Variants in LRRC46 observed in about 807,000 individuals in gnomAD.
The protein encoded by LRRC46 is leucine-rich repeat-containing protein 46.
A neutral mutation model predicts 28.0 loss-of-function variants in LRRC46; 20 were observed. That is an observed-to-expected ratio of 0.71 (90% confidence interval 0.50 to 1.04). The LOEUF is 1.04. LRRC46 is among the 50% of genes least tolerant of loss of function. LRRC46 has a pLI of 0.00. For synonymous variants in LRRC46, 156 were observed against 158.8 expected (o/e 0.98, Z 0.13); for missense variants, 315 against 390.1 (o/e 0.81, Z 1.62).
chr17:47,834,412 ACT>A lies in LRRC46; in HGVS notation c.117-10_117-9del, dbSNP rs763784303. 74 of 1,589,782 alleles carry A rather than the reference ACT, an allele frequency of 4.7e-5. No homozygotes were observed. Among genetic ancestry groups the A allele is most frequent in the Non-Finnish European group, 5.4e-5 (63 of 1,160,552 alleles). On this transcript the variant is annotated splice_polypyrimidine_tract_variant and intron_variant, in intron 2 of 7. Transcript: ENST00000269025. ...TGGTGCTCTAACACCACCCTTACTG[ACT>A]CTTTTCCCAGGTTTCACACTCTTGA... is the stretch of plus-strand genomic sequence containing the variant.
At chr17:47,834,381 CAT>C (rs752546723) in intron 2 of LRRC46, 42 bp from the exon 3 acceptor site, 11 of 1,407,204 alleles carry the variant, frequency 7.8e-6, no homozygotes, top group South Asian at 4.8e-5. Context: ...TAAGAGACCA[CAT>C]GAGTGGTGCT....
Position 47,836,239 on chromosome 17 carries a change from C to G in LRRC46, c.453-94C>G. ...CACCTCCTACCTAGCTCATGAGCCA[C>G]CACCCCTCCGGGTGTGAGTGCTGTG... is the stretch of plus-strand genomic sequence containing the variant. On this transcript the variant is annotated intron_variant, in intron 6 of 7. Transcript: ENST00000269025. The surrounding 1 kb of genome is among the most constrained non-coding windows in gnomAD (Gnocchi z 5.8). 1.9e-6 allele frequency: 3 copies of G among 1,588,576 alleles called. No individual in the cohort carries two copies. In the Middle Eastern group the frequency reaches 6.1e-4, roughly 322 times the overall value.
chr17:47,835,267 A>T, intron 3 of LRRC46, 86 bp from the exon 4 acceptor site: 1 of 1,360,134 alleles, frequency 7.4e-7, no homozygotes, highest in Non-Finnish European at 1.1e-6. Context: ...TGCAGAGTAG[A>T]CATGGTCTTG....
intron 2 of LRRC46, among the ~76,000 whole-genome samples, chr17:47,833,101 G>A (rs1490601207): frequency 6.6e-6 from 1 of 152,160 alleles, no homozygotes; most frequent in African/African-American, 2.4e-5. Flanking sequence ...ATCTGCATGG[G>A]CATATTGGAG....
Position 47,835,756 on chromosome 17 carries a change from G to A in LRRC46, c.363G>A (p.Leu121=), listed in dbSNP as rs147308014. Reference sequence around the variant, plus strand: ...AGTTTCTGGACCTTTCTGAGAACCTGATAGAAACATTGAAGCTGGGTAGGA... The same window carrying A: ...AGTTTCTGGACCTTTCTGAGAACCTAATAGAAACATTGAAGCTGGGTAGGA... ...CLQFLDLSEN[L]IETLKLDEFP... Residue 121 remains leucine, a synonymous_variant, in exon 5 of 8, where the codon CTG becomes CTA. Transcript: ENST00000269025. 4.0e-5 allele frequency: 65 copies of A among 1,614,118 alleles called. No individual in the cohort carries two copies. The African/African-American group carries it at 8.1e-4, about 20-fold the overall frequency.
rs2277693 is a variant in LRRC46 at position 47,831,817 on chromosome 17, T to G, written c.-173T>G. 254,992 of 792,892 alleles carry G rather than the reference T, an allele frequency of 0.32. 46,221 individuals are homozygous for G. The highest frequency in any genetic ancestry group is 0.38 in the Non-Finnish European group (185,266 of 490,250). 49.1% of individuals were successfully genotyped at this position (792,892 alleles called of 1,614,324 possible). ...AGACCCTTCACATCAATTTACTGTT[T>G]TCTTCGACCTCACCCCAGCAATTTT... On this transcript the variant is annotated 5_prime_UTR_variant, in exon 1 of 8. Coordinates refer to ENST00000269025, the MANE Select transcript of LRRC46 (RefSeq NM_033413.4).
chr17:47,837,377 AGGCCCCCGCT>A lies in LRRC46; in HGVS notation c.*261_*270del, dbSNP rs2033712406. The A allele has an allele frequency of 2.0e-6, 1 of 503,240 alleles. No individual in the cohort carries two copies. Among genetic ancestry groups the A allele is most frequent in the African/African-American group, 2.0e-5 (1 of 49,428 alleles). The allele number at this position is 503,240 out of a possible 1,614,324, so 31.2% of individuals were successfully genotyped here. A position where few individuals can be genotyped will look rare whatever the true frequency, so the allele number is the denominator to read the frequency against. On this transcript the variant is annotated 3_prime_UTR_variant, in exon 8 of 8. Coordinates refer to ENST00000269025, the MANE Select transcript of LRRC46 (RefSeq NM_033413.4). ...GCTACCCACAGGGCAGGCATGCCTC[AGGCCCCCGCT>A]GGCTTCCTGGCTCCCACTTGGGCAG...
In LRRC46 at chr17:47,836,142, T is replaced by A. The variant is rs760968178; in HGVS notation, c.452+40T>A. On this transcript the variant is annotated intron_variant, in intron 6 of 7. Transcript: ENST00000269025. This position sits in a 1 kb window ranked among gnomAD's most constrained non-coding sequence, Gnocchi z 5.8. ...GTGGGAAGAAAGGTCATGGCTGAGC[T>A]CTACCTGCTAACTCAGCCCAGACCC... is the stretch of plus-strand genomic sequence containing the variant. The A allele has an allele frequency of 6.2e-7, 1 of 1,609,318 alleles. No individual in the cohort carries two copies. Among genetic ancestry groups the A allele is most frequent in the African/African-American group, 1.3e-5 (1 of 74,880 alleles).
chr17:47,833,340 T>C (rs2033656299), intron 2 of LRRC46, among the ~76,000 whole-genome samples: 1 of 152,068 alleles, frequency 6.6e-6, no homozygotes, highest in Admixed American at 6.5e-5. Flanking sequence ...CTTTCTTTCT[T>C]TCTTTCTTCT....
intron 2 of LRRC46, among the ~76,000 whole-genome samples, chr17:47,833,471 C>T (rs138041296): frequency 0.089 from 12,428 of 139,624 alleles, 845 homozygotes; most frequent in African/African-American, 0.2. Flanking sequence ...TTTTTTGAGA[C>T]GGAGTCTCAC....
chr17:47,834,600 G>A, intron 3 of LRRC46, 67 bp downstream of exon 3: 1 of 1,066,132 alleles, frequency 9.4e-7, no homozygotes, highest in Non-Finnish European at 1.4e-6. Flanking sequence ...CATCTGAAAG[G>A]AGCCAACCAG....
rs534138710 is a variant in LRRC46, at chr17:47,834,353, G to A, written c.117-72G>A. ...CTCCTTGAAACCCCTTCCCTCCTCC[G>A]TCTCCCATCCTCCCTGCTAAGAGAC... On this transcript the variant is annotated intron_variant, in intron 2 of 7. Transcript: ENST00000269025. 236 of 1,103,302 alleles carry A rather than the reference G, an allele frequency of 2.1e-4. 1 individual carries two copies. The highest frequency in any genetic ancestry group is 1.8e-3 in the African/African-American group (113 of 62,924). 68.3% of individuals were successfully genotyped at this position (1,103,302 alleles called of 1,614,324 possible). A position where few individuals can be genotyped will look rare whatever the true frequency, so the allele number is the denominator to read the frequency against.
intron 2 of LRRC46, chr17:47,834,169 C>G (rs922782001): frequency 9.3e-7 from 1 of 1,078,666 alleles, no homozygotes; most frequent in African/African-American, 1.6e-5. Context: ...GCTGCCATCC[C>G]CCAATTTCCC....
rs1388505163 is a variant in LRRC46 at position 47,834,441 on chromosome 17, G to A, written c.133G>A (p.Glu45Lys). ...TTTTCCCAGGTTTCACACTCTTGAT[G>A]AACTGCAGACTGTCCGCCTGGACCG... Reference protein sequence around the residue: ...LSEKMFHTLDELQTVRLDREG... With the variant: ...LSEKMFHTLDKLQTVRLDREG... Residue 45 changes from glutamate to lysine, a missense_variant, in exon 3 of 8, where the codon GAA becomes AAA. Transcript: ENST00000269025. The A allele has an allele frequency of 6.2e-7, 1 of 1,612,946 alleles. No homozygotes were observed. Among genetic ancestry groups the A allele is most frequent in the Non-Finnish European group, 8.5e-7 (1 of 1,179,352 alleles).
intron 5 of LRRC46, 115 bp from the exon 6 acceptor site, chr17:47,835,918 A>C: frequency 7.5e-7 from 1 of 1,335,756 alleles, no homozygotes; most frequent in Non-Finnish European, 1.1e-6. Context: ...GGTTGTGCCT[A>C]GAGGTACTGG....
At position 47,832,083 on chromosome 17, in the gene LRRC46, G is replaced by T. The variant is rs1400329345; in HGVS notation, c.11-17G>T. The T allele has an allele frequency of 4.3e-6, 7 of 1,612,818 alleles. No individual in the cohort carries two copies. Among genetic ancestry groups the T allele is most frequent in the Non-Finnish European group, 5.9e-6 (7 of 1,179,340 alleles). On this transcript the variant is annotated splice_polypyrimidine_tract_variant and intron_variant, in intron 1 of 7. Coordinates refer to ENST00000269025, the MANE Select transcript of LRRC46 (RefSeq NM_033413.4). Reference sequence around the variant, plus strand: ...CAAGAGTGAGGAAGTGTCACAGTTGGACTCATCTTTTCACAGGGAAGTCAG... The same window carrying T: ...CAAGAGTGAGGAAGTGTCACAGTTGTACTCATCTTTTCACAGGGAAGTCAG...
At chr17:47,835,567 G>A (rs2033684121) in intron 4 of LRRC46, 99 bp from the exon 5 acceptor site, 1 of 1,392,422 alleles carries the variant, frequency 7.2e-7, no homozygotes. Flanking sequence ...CTGGTCATCA[G>A]CTGCCTAGCC....
chr17:47,833,027 G>A (rs575301631), intron 2 of LRRC46, among the ~76,000 whole-genome samples: 1 of 152,302 alleles, frequency 6.6e-6, no homozygotes, highest in Non-Finnish European at 1.5e-5. Flanking sequence ...AGCAGCATTG[G>A]CATCACAGGG....
chr17:47,836,778 G>C lies in LRRC46; in HGVS notation c.624G>C (p.Leu208=). 6.2e-7 allele frequency: 1 copy of C among 1,613,770 alleles called. No homozygotes were observed. ...RGFLKELEQE[L]SRHREHRQQT... is the part of the protein sequence containing the mutation. ...TCCTCAAGGAGCTGGAGCAGGAGCTGAGCAGGCACAGGGAGCACCGGCAAC... is the reference window on the plus strand; with the variant it reads ...TCCTCAAGGAGCTGGAGCAGGAGCTCAGCAGGCACAGGGAGCACCGGCAAC... The change falls in exon 8 of 8, where the codon CTG becomes CTC. Residue 208 remains leucine (L), a synonymous_variant. Transcript: ENST00000269025. This position sits in a 1 kb window ranked among gnomAD's most constrained non-coding sequence, Gnocchi z 5.8.
Sources: allele counts gnomAD v4.1 joint callset (sites outside exome capture counted in the v4.1 genomes callset), GRCh38; gene constraint gnomAD v4.1.1; non-coding constraint Gnocchi (gnomAD v3.1); transcripts MANE v1.5; gene names NCBI Gene and HGNC (gene_info 2026-07-23, HGNC 2026-07-21).